Variants in GREM2 observed in about 807,000 individuals in gnomAD.
GREM2 encodes gremlin-2.
A neutral mutation model predicts 14.2 loss-of-function variants in GREM2; 11 were observed. The observed-to-expected ratio is 0.78, with a 90% CI of 0.49 to 1.28. GREM2 has a LOEUF of 1.28. Ranked by LOEUF, GREM2 falls within the 50% of genes most tolerant of loss-of-function variation. The probability of loss-of-function intolerance (pLI) is 0.00; values close to 1 mark genes in which losing one functional copy is unlikely to be tolerated. For synonymous variants in GREM2, 98 were observed against 97.6 expected (o/e 1.00, Z -0.02); for missense variants, 210 against 218.5 (o/e 0.96, Z 0.24).
At chr1:240,524,059 G>A (rs1678167510) in intron 1 of GREM2, among the ~76,000 whole-genome samples, 1 of 152,072 alleles carries the variant, frequency 6.6e-6, no homozygotes, top group South Asian at 2.1e-4. Context: ...TGTCACCCAG[G>A]TTGGAGTGCA....
intron 1 of GREM2, among the ~76,000 whole-genome samples, chr1:240,558,957 T>C (rs1678994661): frequency 6.6e-6 from 1 of 152,162 alleles, no homozygotes. Flanking sequence ...CCTCGCTGTC[T>C]CTGTATTTAA....
At chr1:240,538,740 CA>C (rs896850662) in intron 1 of GREM2, among the ~76,000 whole-genome samples, 21 of 152,026 alleles carry the variant, frequency 1.4e-4, no homozygotes, top group African/African-American at 4.1e-4. Context: ...AAACAAACAA[CA>C]AAAAACTTTT....
At chr1:240,595,829 T>C (rs138450836) in intron 1 of GREM2, among the ~76,000 whole-genome samples, 1,965 of 152,226 alleles carry the variant, frequency 0.013, 20 homozygotes, top group Middle Eastern at 0.037. Context: ...TAATAATGTG[T>C]CCAGGTCTTA....
chr1:240,508,001 T>C (rs1426076399), intron 1 of GREM2, among the ~76,000 whole-genome samples: 1 of 152,182 alleles, frequency 6.6e-6, no homozygotes, highest in Non-Finnish European at 1.5e-5. Flanking sequence ...CCAAGATACA[T>C]CATCCTGAAA....
intron 1 of GREM2, among the ~76,000 whole-genome samples, chr1:240,550,730 A>G (rs10802887): frequency 0.3 from 45,582 of 152,102 alleles, 6,990 homozygotes; most frequent in East Asian, 0.47. Flanking sequence ...TGAGCTGTTG[A>G]GACAGTCTGA....
intron 1 of GREM2, among the ~76,000 whole-genome samples, chr1:240,549,330 C>G (rs1572394102): frequency 8.6e-6 from 1 of 116,434 alleles, no homozygotes; most frequent in Non-Finnish European, 1.7e-5. Flanking sequence ...GAGAGAAACT[C>G]CATCTCAAAA....
intron 1 of GREM2, among the ~76,000 whole-genome samples, chr1:240,604,149 C>G (rs1234742622): frequency 6.6e-6 from 1 of 151,896 alleles, no homozygotes; most frequent in African/African-American, 2.4e-5. Flanking sequence ...AGAACCCACT[C>G]ATTACCGTGG....
At chr1:240,503,788 T>C (rs1243866353) in intron 1 of GREM2, among the ~76,000 whole-genome samples, 2 of 152,186 alleles carry the variant, frequency 1.3e-5, no homozygotes, top group African/African-American at 2.4e-5. Flanking sequence ...GTGCTCTTTA[T>C]TTTCGCCATG....
At chr1:240,592,287 A>C (rs1375001597) in intron 1 of GREM2, among the ~76,000 whole-genome samples, 1 of 152,226 alleles carries the variant, frequency 6.6e-6, no homozygotes, top group African/African-American at 2.4e-5. Flanking sequence ...GTTTATATGC[A>C]AAGAGACTGA....
intron 1 of GREM2, among the ~76,000 whole-genome samples, chr1:240,605,487 AAAAC>A (rs1020459180): frequency 1.3e-5 from 2 of 152,132 alleles, no homozygotes; most frequent in Admixed American, 1.3e-4. Flanking sequence ...CTTGTCTCAA[AAAAC>A]AAACAAACAA....
chr1:240,564,455 C>A (rs1679135914), intron 1 of GREM2, among the ~76,000 whole-genome samples: 1 of 151,386 alleles, frequency 6.6e-6, no homozygotes, highest in African/African-American at 2.4e-5. Context: ...TTGCAATGAG[C>A]CAAGATTGTG....
chr1:240,607,295 C>A (rs1437423045), intron 1 of GREM2, among the ~76,000 whole-genome samples: 1 of 151,966 alleles, frequency 6.6e-6, no homozygotes, highest in Non-Finnish European at 1.5e-5. Flanking sequence ...GAAACAGGTG[C>A]AAACCCAGGT....
At chr1:240,586,378 T>C (rs984667110) in intron 1 of GREM2, among the ~76,000 whole-genome samples, 3 of 152,210 alleles carry the variant, frequency 2.0e-5, no homozygotes, top group Admixed American at 6.5e-5. Flanking sequence ...GGATGCTGAC[T>C]CCTTTCTCTG....
rs73113765 is a variant in GREM2 at position 240,558,438 on chromosome 1, T to C, written c.-2+53446A>G. Among the ~76,000 whole-genome samples, 757 of 152,172 alleles carry C rather than the reference T, an allele frequency of 5.0e-3. 4 individuals are homozygous for C. Among genetic ancestry groups the C allele is most frequent in the African/African-American group, 0.017 (687 of 41,512 alleles). ...AAAAGAAAAAAGCCTGCAAAGCATA[T>C]ATGACATTGAAATTAATTAATTAAA... is the stretch of plus-strand genomic sequence containing the variant. On this transcript the variant is annotated intron_variant, in intron 1 of 1. Transcript: ENST00000318160.
At chr1:240,601,861 C>T (rs557880703) in intron 1 of GREM2, among the ~76,000 whole-genome samples, 22 of 146,960 alleles carry the variant, frequency 1.5e-4, no homozygotes, top group Middle Eastern at 3.4e-3. Flanking sequence ...GAGCCAAGGC[C>T]GAGATTGCAC....
At chr1:240,494,415 T>C (rs986856005) in intron 1 of GREM2, among the ~76,000 whole-genome samples, 2 of 152,190 alleles carry the variant, frequency 1.3e-5, no homozygotes, top group Non-Finnish European at 2.9e-5. Flanking sequence ...CAAAAATTAG[T>C]AAGTACAAAG....
Position 240,559,949 on chromosome 1 carries a change from C to T in GREM2, c.-2+51935G>A, listed in dbSNP as rs558445751. Reference sequence around the variant, plus strand: ...TATCTTGAAACAGTCACGGTGTTTCCGTGTGCAGCAGAAGTGCTTTATGCA... The same window carrying T: ...TATCTTGAAACAGTCACGGTGTTTCTGTGTGCAGCAGAAGTGCTTTATGCA... On this transcript the variant is annotated intron_variant, in intron 1 of 1. Transcript: ENST00000318160. Among the ~76,000 whole-genome samples, 42 of 152,102 alleles carry T rather than the reference C, an allele frequency of 2.8e-4. No homozygotes were observed. The South Asian group carries it at 3.1e-3, about 11-fold the overall frequency.
intron 1 of GREM2, among the ~76,000 whole-genome samples, chr1:240,594,084 G>T (rs1371711435): frequency 6.6e-6 from 1 of 151,968 alleles, no homozygotes; most frequent in Non-Finnish European, 1.5e-5. Flanking sequence ...CTTTCAAGTA[G>T]CTGGGACCAC....
intron 1 of GREM2, among the ~76,000 whole-genome samples, chr1:240,547,288 C>T (rs1678748950): frequency 6.6e-6 from 1 of 151,806 alleles, no homozygotes; most frequent in Non-Finnish European, 1.5e-5. Flanking sequence ...ATCACGAGGG[C>T]AGGAGATCAA....
Sources: gnomAD v4.1 joint callset for allele counts (sites outside exome capture counted in the v4.1 genomes callset) on GRCh38, gnomAD v4.1.1 for gene constraint, MANE v1.5 for transcripts, NCBI Gene and HGNC (gene_info 2026-07-23, HGNC 2026-07-21) for gene names.